TMF1: variants seen among roughly 807,000 people sequenced by gnomAD.
TMF1 encodes TATA element modulatory factor 1.
A neutral mutation model predicts 126.5 loss-of-function variants in TMF1; 71 were observed. The observed-to-expected ratio is 0.56, with a 90% confidence interval of 0.46 to 0.68. The LOEUF is 0.68. Ranked by LOEUF, TMF1 falls within the 30% of genes least tolerant of loss-of-function variation. TMF1 has a pLI of 0.00. For missense variants in TMF1, 1,259 were observed against 1,253.2 expected (o/e 1.00, Z -0.07); for synonymous variants, 461 against 430.5 (o/e 1.07, Z -0.88).
chr3:69,046,526 A>T lies in TMF1; in HGVS notation c.1347+832T>A, dbSNP rs114391109. Among the ~76,000 whole-genome samples the T allele has an allele frequency of 2.5e-3, 381 of 152,330 alleles. 1 individual carries two copies. Among genetic ancestry groups the T allele is most frequent in the African/African-American group, 8.6e-3 (359 of 41,576 alleles). ...ACAGAATCTGGCACTTTTTTAAAAAATTAAGTAATTCAATACATGGCACTT... is the reference window on the plus strand; with the variant it reads ...ACAGAATCTGGCACTTTTTTAAAAATTTAAGTAATTCAATACATGGCACTT... On this transcript the variant is annotated intron_variant, in intron 2 of 16. Transcript: ENST00000398559.
chr3:69,044,206 T>G (rs973333607), intron 3 of TMF1, among the ~76,000 whole-genome samples: 1 of 152,196 alleles, frequency 6.6e-6, no homozygotes, highest in African/African-American at 2.4e-5. Flanking sequence ...AACTGTGTTA[T>G]TGATTAACAC....
intron 2 of TMF1, among the ~76,000 whole-genome samples, chr3:69,044,812 T>C (rs1457753167): frequency 1.3e-5 from 2 of 152,216 alleles, no homozygotes; most frequent in Non-Finnish European, 1.5e-5. Context: ...GGAGTGTAAG[T>C]TGAGAAACCC....
At chr3:69,051,346 G>A (rs965391193) in intron 1 of TMF1, among the ~76,000 whole-genome samples, 6 of 152,042 alleles carry the variant, frequency 3.9e-5, no homozygotes, top group Admixed American at 1.3e-4. Flanking sequence ...GTGGTGGTGG[G>A]CGCCTGTAAT....
intron 5 of TMF1, chr3:69,042,333 C>G (rs1177460166): frequency 2.2e-6 from 1 of 455,868 alleles, no homozygotes; most frequent in Non-Finnish European, 4.4e-6. Context: ...CCACCACACT[C>G]AGCCAACCCT....
Position 69,047,612 on chromosome 3 carries a change from G to A in TMF1, c.1093C>T (p.Pro365Ser). The change falls in exon 2 of 17, where the codon CCA (proline) becomes TCA (serine). Residue 365 changes from proline to serine, a missense_variant. Physicochemically the swap from Pro to Ser is moderately conservative, Grantham distance 74. Coordinates refer to ENST00000398559, the MANE Select transcript of TMF1 (RefSeq NM_007114.3). Reference sequence around the variant, plus strand: ...GCAGATTCAACTGTTTTAGACTTTGGAGTTGAAGAATTAACTATAATAGGC... The same window carrying A: ...GCAGATTCAACTGTTTTAGACTTTGAAGTTGAAGAATTAACTATAATAGGC... The part of the protein sequence containing the change: ...LVPIIVNSST[P>S]KSKTVESAEG... The A allele has an allele frequency of 6.2e-7, 1 of 1,614,036 alleles. No homozygotes were observed. Among genetic ancestry groups the A allele is most frequent in the Non-Finnish European group, 8.5e-7 (1 of 1,180,016 alleles).
intron 13 of TMF1, 52 bp from the exon 14 acceptor site, chr3:69,026,149 G>A: frequency 8.3e-7 from 1 of 1,209,530 alleles, no homozygotes; most frequent in Non-Finnish European, 1.2e-6. Flanking sequence ...GAGATAAGCA[G>A]AGAAAGCAAG....
chr3:69,051,270 A>T (rs1159325388), intron 1 of TMF1, among the ~76,000 whole-genome samples: 1 of 152,028 alleles, frequency 6.6e-6, no homozygotes, highest in South Asian at 2.1e-4. Flanking sequence ...TTAAGTCAGG[A>T]GTTCCACCAG....
intron 12 of TMF1, 44 bp downstream of exon 12, chr3:69,028,182 T>C: frequency 6.6e-7 from 1 of 1,525,006 alleles, no homozygotes; most frequent in African/African-American, 1.4e-5. Context: ...CCAACCATTC[T>C]CTAATGTATG....
chr3:69,026,132 G>A (rs1286367716), intron 13 of TMF1, 35 bp from the exon 14 acceptor site: 13 of 1,371,306 alleles, frequency 9.5e-6, no homozygotes, highest in Non-Finnish European at 1.4e-5. Flanking sequence ...TCATATTAAA[G>A]AGCAAAGAGA....
At chr3:69,030,195 C>G (rs1294912817) in intron 10 of TMF1, 188 bp from the exon 11 acceptor site, 1 of 460,432 alleles carries the variant, frequency 2.2e-6, no homozygotes, top group Non-Finnish European at 3.8e-6. Context: ...TGCTTTATCA[C>G]TCTTTTCCAA....
At chr3:69,032,252 A>C (rs1251916348) in intron 10 of TMF1, among the ~76,000 whole-genome samples, 1 of 152,142 alleles carries the variant, frequency 6.6e-6, no homozygotes, top group African/African-American at 2.4e-5. Context: ...GAAAGTCACT[A>C]ATCTAGTTCA....
rs543409353 is a variant in TMF1, at chr3:69,029,965, C to T, written c.2444G>A (p.Arg815His). The stretch of plus-strand genomic sequence containing the variant: ...AGCAAGGAGTTCTTCTGTAGCTGCA[C>T]GTTCTCTCTCAACTGCTGCTGCCAG... Reference protein sequence around the residue: ...TLLAAAVERERAATEELLANK... With the variant: ...TLLAAAVEREHAATEELLANK... The change falls in exon 11 of 17, where the codon CGT (arginine) becomes CAT (histidine). Residue 815 changes from arginine (R) to histidine (H), a missense_variant. Coordinates refer to ENST00000398559, the MANE Select transcript of TMF1 (RefSeq NM_007114.3). 3.7e-5 allele frequency: 60 copies of T among 1,613,978 alleles called. 1 individual carries two copies. In the South Asian group the frequency reaches 5.2e-4, roughly 14 times the overall value.
chr3:69,052,060 G>A lies in TMF1; in HGVS notation c.27C>T (p.Leu9=), dbSNP rs1211187128. 10 of 1,612,842 alleles carry A rather than the reference G, an allele frequency of 6.2e-6. No homozygotes were observed. The South Asian group carries it at 7.7e-5, about 12-fold the overall frequency. MSWFNASQ[L]SSFAKQALSQ... is the part of the protein sequence containing the mutation. ...ACAGGGCCTGCTTAGCGAAGCTGGA[G>A]AGCTGGGAGGCGTTGAACCAACTCA... is the stretch of plus-strand genomic sequence containing the variant. The change falls in exon 1 of 17, where the codon CTC becomes CTT. Residue 9 remains leucine (L), a synonymous_variant. Transcript: ENST00000398559.
intron 9 of TMF1, among the ~76,000 whole-genome samples, chr3:69,034,576 T>C (rs991808064): frequency 6.6e-6 from 1 of 152,200 alleles, no homozygotes; most frequent in Non-Finnish European, 1.5e-5. Flanking sequence ...CATCCAAACC[T>C]CTTAGTAGTT....
intron 13 of TMF1, among the ~76,000 whole-genome samples, chr3:69,026,995 TA>T (rs1488593531): frequency 2.0e-5 from 3 of 152,096 alleles, no homozygotes; most frequent in Admixed American, 6.6e-5. Context: ...TTTATTTATT[TA>T]TTTATTTTTA....
At chr3:69,049,997 C>G (rs1031053928) in intron 1 of TMF1, among the ~76,000 whole-genome samples, 3 of 152,048 alleles carry the variant, frequency 2.0e-5, no homozygotes, top group African/African-American at 7.2e-5. Context: ...CAGTGGCTCA[C>G]GCTTGTAATC....
At chr3:69,048,640 T>A (rs772719322) in intron 1 of TMF1, 78 bp from the exon 2 acceptor site, 5 of 1,284,072 alleles carry the variant, frequency 3.9e-6, no homozygotes, top group East Asian at 2.6e-5. Flanking sequence ...TAAATCAGTA[T>A]AAATATAAAT....
chr3:69,029,354 C>A (rs72922993), intron 11 of TMF1, among the ~76,000 whole-genome samples: 1,561 of 152,124 alleles, frequency 0.01, 38 homozygotes, highest in African/African-American at 0.035. Context: ...TTACTAATAA[C>A]CCTAACTTTA....
chr3:69,039,481 T>C (rs2091851521), intron 6 of TMF1, 70 bp downstream of exon 6: 5 of 1,510,368 alleles, frequency 3.3e-6, no homozygotes, highest in Non-Finnish European at 4.5e-6. Flanking sequence ...AAATGCTCCA[T>C]AACCATGGCC....
Sources: gnomAD v4.1 joint callset for allele counts (sites outside exome capture counted in the v4.1 genomes callset) on GRCh38, gnomAD v4.1.1 for gene constraint, MANE v1.5 for transcripts, NCBI Gene and HGNC (gene_info 2026-07-23, HGNC 2026-07-21) for gene names.